The following SYN2 variants were observed in gnomAD, a reference collection of about 807,000 sequenced individuals.
SYN2 encodes synapsin-2.
A neutral mutation model predicts 50.9 loss-of-function variants in SYN2; 19 were observed. The observed-to-expected ratio is 0.37, with a 90% CI of 0.26 to 0.55. SYN2 has a LOEUF of 0.55. Among genes scored for constraint, SYN2 ranks in the 20% least tolerant of loss-of-function variants. The pLI, the probability that SYN2 is intolerant of heterozygous loss-of-function variation, is 0.81. For missense variants in SYN2, 587 were observed against 576.4 expected, an observed-to-expected ratio of 1.02 and a Z score of -0.19; for synonymous variants, 255 against 224.9, an observed-to-expected ratio of 1.13 and a Z score of -1.20.
At chr3:12,035,783 C>T (rs1694485728) in intron 1 of SYN2, among the ~76,000 whole-genome samples, 1 of 152,140 alleles carries the variant, frequency 6.6e-6, no homozygotes, top group South Asian at 2.1e-4. Flanking sequence ...GGACTTCCTC[C>T]AGGCCTCTCA....
chr3:12,185,674 T>G (rs1698328538), intron 11 of SYN2: 1 of 985,736 alleles, frequency 1.0e-6, no homozygotes, highest in Admixed American at 6.1e-5. Flanking sequence ...GAAGTACCTC[T>G]CTTTTGTGAC....
At chr3:12,061,392 A>G (rs1695109905) in intron 1 of SYN2, among the ~76,000 whole-genome samples, 2 of 152,146 alleles carry the variant, frequency 1.3e-5, no homozygotes, top group South Asian at 4.1e-4. Context: ...CTAGGCATAA[A>G]GGTGAATTTC....
At chr3:12,167,171 G>C (rs795009) in intron 7 of SYN2, 63 bp from the exon 8 acceptor site, 1 of 1,543,802 alleles carries the variant, frequency 6.5e-7, no homozygotes. Flanking sequence ...CTGGAAAGTT[G>C]CATGCCCTCC....
chr3:12,054,712 G>GTTTC (rs1159885845), intron 1 of SYN2, among the ~76,000 whole-genome samples: 2 of 146,960 alleles, frequency 1.4e-5, no homozygotes, highest in Non-Finnish European at 3.0e-5. Context: ...AGTAGTTCCA[G>GTTTC]TTTCTTGGAT....
At chr3:12,171,562 G>A (rs1221731516) in intron 10 of SYN2, among the ~76,000 whole-genome samples, 1 of 152,202 alleles carries the variant, frequency 6.6e-6, no homozygotes, top group Non-Finnish European at 1.5e-5. Flanking sequence ...TCTGTGAAGG[G>A]CCCTTAAGTA....
At chr3:12,183,230 C>T in intron 10 of SYN2, 82 bp from the exon 11 acceptor site, 1 of 1,518,804 alleles carries the variant, frequency 6.6e-7, no homozygotes, top group South Asian at 1.3e-5. Context: ...CCACTGCGGC[C>T]TTGCCATGGA....
At chr3:12,035,121 C>T (rs550257616) in intron 1 of SYN2, among the ~76,000 whole-genome samples, 1 of 152,280 alleles carries the variant, frequency 6.6e-6, no homozygotes, top group East Asian at 1.9e-4. Flanking sequence ...GGTGACAGGT[C>T]CCAAGTAAGT....
chr3:12,051,652 G>A (rs1333449059), intron 1 of SYN2, among the ~76,000 whole-genome samples: 1 of 152,166 alleles, frequency 6.6e-6, no homozygotes, highest in African/African-American at 2.4e-5. Flanking sequence ...GTAGATCTCA[G>A]GTCTCTGAAA....
chr3:12,070,215 G>A (rs1051245303), intron 1 of SYN2: 6 of 397,468 alleles, frequency 1.5e-5, no homozygotes, highest in African/African-American at 2.1e-5. Flanking sequence ...CTGCTCCTCC[G>A]CCTGTCACAA....
chr3:12,171,026 G>A (rs1697925591), intron 10 of SYN2, among the ~76,000 whole-genome samples: 2 of 152,162 alleles, frequency 1.3e-5, no homozygotes, highest in Admixed American at 6.5e-5. Flanking sequence ...GAATACTTCC[G>A]TCTTCACTGA....
At chr3:12,012,189 AC>A (rs1404398791) in intron 1 of SYN2, among the ~76,000 whole-genome samples, 1 of 151,926 alleles carries the variant, frequency 6.6e-6, no homozygotes, top group Non-Finnish European at 1.5e-5. Context: ...CAAAAACATT[AC>A]CCATTAACTC....
chr3:12,102,136 T>C (rs146058284), intron 1 of SYN2, among the ~76,000 whole-genome samples: 1,880 of 152,246 alleles, frequency 0.012, 15 homozygotes, highest in Non-Finnish European at 0.017. Flanking sequence ...TGAAATTTGG[T>C]GCATTTTGGT....
intron 4 of SYN2, among the ~76,000 whole-genome samples, chr3:12,149,293 C>G (rs1392594604): frequency 6.6e-6 from 1 of 152,210 alleles, no homozygotes; most frequent in Non-Finnish European, 1.5e-5. Context: ...CCTAGGGATG[C>G]TGGAGAGCCT....
chr3:12,147,088 A>C (rs978502281), intron 4 of SYN2, among the ~76,000 whole-genome samples: 5 of 152,168 alleles, frequency 3.3e-5, no homozygotes, highest in Admixed American at 1.3e-4. Flanking sequence ...TGTAAAAATG[A>C]AATTTCAGCT....
chr3:12,013,666 A>G (rs1313813821), intron 1 of SYN2, among the ~76,000 whole-genome samples: 1 of 152,184 alleles, frequency 6.6e-6, no homozygotes, highest in South Asian at 2.1e-4. Context: ...ACTTTCACCT[A>G]GAACTTCTGC....
chr3:12,162,073 C>T lies in SYN2; in HGVS notation c.899C>T (p.Thr300Ile), dbSNP rs774527759. The change falls in exon 7 of 13, where the codon ACC (threonine) becomes ATC (isoleucine). Residue 300 changes from threonine to isoleucine, a missense_variant. Thr to Ile is a moderately conservative substitution (Grantham distance 89). Coordinates refer to ENST00000621198, the MANE Select transcript of SYN2 (RefSeq NM_133625.6). The stretch of plus-strand genomic sequence containing the variant: ...GCCAGCGTGGTGGCTCTCACCCAGA[C>T]CTATGCCACTGCAGAGCCTTTCATT... ...DIASVVALTQ[T>I]YATAEPFIDS... 1.2e-6 allele frequency: 2 copies of T among 1,614,084 alleles called. No individual in the cohort carries two copies. The highest frequency in any genetic ancestry group is 2.2e-5 in the South Asian group (2 of 91,072).
intron 10 of SYN2, among the ~76,000 whole-genome samples, chr3:12,176,212 T>G (rs1159638279): frequency 2.6e-5 from 4 of 152,148 alleles, no homozygotes; most frequent in African/African-American, 9.7e-5. Flanking sequence ...TGTGGGCTGC[T>G]CCTCAGACTC....
intron 1 of SYN2, among the ~76,000 whole-genome samples, chr3:12,068,823 T>C (rs1695278843): frequency 6.6e-6 from 1 of 152,206 alleles, no homozygotes; most frequent in African/African-American, 2.4e-5. Flanking sequence ...TTTTAGTACA[T>C]CTGCAGGGTT....
At chr3:12,061,030 G>C (rs1312175927) in intron 1 of SYN2, among the ~76,000 whole-genome samples, 1 of 152,166 alleles carries the variant, frequency 6.6e-6, no homozygotes, top group Non-Finnish European at 1.5e-5. Context: ...AATGTAAGCA[G>C]AGAGATGGAA....
Sources: allele counts gnomAD v4.1 joint callset (sites outside exome capture counted in the v4.1 genomes callset), GRCh38; gene constraint gnomAD v4.1.1; transcripts MANE v1.5; gene names NCBI Gene and HGNC (gene_info 2026-07-23, HGNC 2026-07-21).